The following TMEM108 variants were observed in gnomAD, a reference collection of about 807,000 sequenced individuals.
The protein encoded by TMEM108 is transmembrane protein 108.
In TMEM108, 12 loss-of-function variants were observed where a neutral mutation model predicts 35.1. The ratio of observed to expected loss-of-function variants is 0.34; its 90% CI spans 0.22 to 0.55. TMEM108 has a LOEUF of 0.55. TMEM108 is among the 20% of genes least tolerant of loss of function. TMEM108 has a pLI of 0.89. For missense variants in TMEM108, 680 were observed against 753.3 expected, an observed-to-expected ratio of 0.90 and a Z score of 1.14; for synonymous variants, 287 against 308.6, an observed-to-expected ratio of 0.93 and a Z score of 0.73.
chr3:133,309,904 T>G (rs2071101053), intron 3 of TMEM108, among the ~76,000 whole-genome samples: 1 of 151,746 alleles, frequency 6.6e-6, no homozygotes, highest in Admixed American at 6.6e-5. Flanking sequence ...GTTTCACCGT[T>G]TTAGCCGGGA....
intron 3 of TMEM108, among the ~76,000 whole-genome samples, chr3:133,307,967 C>T (rs4622900): frequency 0.51 from 77,675 of 151,834 alleles, 21,251 homozygotes; most frequent in East Asian, 0.86. Flanking sequence ...GCCATTTTCA[C>T]GATATTGATT....
intron 3 of TMEM108, among the ~76,000 whole-genome samples, chr3:133,314,767 A>G (rs111490717): frequency 0.018 from 2,692 of 152,352 alleles, 69 homozygotes; most frequent in African/African-American, 0.06. Flanking sequence ...AACAGACAGC[A>G]TGAGTTTAGA....
At chr3:133,229,236 T>G (rs1559875475) in intron 2 of TMEM108, 30 bp from the exon 3 acceptor site, 3 of 1,419,076 alleles carry the variant, frequency 2.1e-6, no homozygotes. Context: ...GTTCCTCAGA[T>G]GTAACAATTT....
chr3:133,062,561 A>G (rs1047409656), intron 2 of TMEM108, among the ~76,000 whole-genome samples: 15 of 152,260 alleles, frequency 9.9e-5, no homozygotes, highest in Non-Finnish European at 2.9e-5. Context: ...ATTCTAACCC[A>G]GGACACAAAC....
At chr3:133,092,757 G>T (rs1299049809) in intron 2 of TMEM108, among the ~76,000 whole-genome samples, 2 of 152,056 alleles carry the variant, frequency 1.3e-5, no homozygotes, top group South Asian at 4.1e-4. Context: ...CATGTCCATA[G>T]CTTCTAATTC....
chr3:133,167,852 C>T (rs1483552816), intron 2 of TMEM108, among the ~76,000 whole-genome samples: 9 of 152,162 alleles, frequency 5.9e-5, no homozygotes, highest in Non-Finnish European at 5.9e-5. Flanking sequence ...AGTGCAGCGG[C>T]GGGCTGGGCT....
chr3:133,065,478 T>C (rs1025721303), intron 2 of TMEM108, among the ~76,000 whole-genome samples: 1 of 151,574 alleles, frequency 6.6e-6, no homozygotes. Flanking sequence ...CTCTAGTTAG[T>C]ATAAAAGAAA....
chr3:133,234,224 G>A (rs1192118460), intron 3 of TMEM108, among the ~76,000 whole-genome samples: 1 of 152,016 alleles, frequency 6.6e-6, no homozygotes, highest in Non-Finnish European at 1.5e-5. Context: ...TGTATAAGGT[G>A]TAAGGAAGGG....
chr3:133,082,471 A>G (rs144201941), intron 2 of TMEM108, among the ~76,000 whole-genome samples: 111 of 152,250 alleles, frequency 7.3e-4, no homozygotes, highest in Non-Finnish European at 1.1e-3. Context: ...AATAATAACA[A>G]CCATGAGCAC....
At chr3:133,069,677 C>T (rs1943653306) in intron 2 of TMEM108, among the ~76,000 whole-genome samples, 1 of 152,156 alleles carries the variant, frequency 6.6e-6, no homozygotes, top group Non-Finnish European at 1.5e-5. Flanking sequence ...ATACTCCATT[C>T]TGGCTTCTGG....
At chr3:133,081,042 G>A (rs996380339) in intron 2 of TMEM108, among the ~76,000 whole-genome samples, 5 of 152,054 alleles carry the variant, frequency 3.3e-5, no homozygotes, top group East Asian at 1.9e-4. Context: ...ACAACTTCTC[G>A]GATATAAAAT....
chr3:133,327,916 A>G (rs1217599094), intron 3 of TMEM108, among the ~76,000 whole-genome samples: 1 of 152,154 alleles, frequency 6.6e-6, no homozygotes, highest in Non-Finnish European at 1.5e-5. Flanking sequence ...TGAAATACGT[A>G]TCTCAGTATT....
chr3:133,292,442 T>A (rs564574112), intron 3 of TMEM108, among the ~76,000 whole-genome samples: 7 of 152,300 alleles, frequency 4.6e-5, no homozygotes, highest in Non-Finnish European at 1.0e-4. Context: ...GATCTCAGGC[T>A]CTCCTTTGAT....
rs545525482 is a variant in TMEM108, at chr3:133,332,153, AC to A, written c.41-47595del. ...TCTCTAAGTTTAGCTTAAGGACCTC[AC>A]CCCATTTAGTTAGCCAAGAGGACAA... On this transcript the variant is annotated intron_variant, in intron 3 of 5. Coordinates refer to ENST00000321871, the MANE Select transcript of TMEM108 (RefSeq NM_023943.4). Among the ~76,000 whole-genome samples, 74 of 152,068 alleles carry A rather than the reference AC, an allele frequency of 4.9e-4. 1 individual carries two copies. The highest frequency in any genetic ancestry group is 3.4e-3 in the Middle Eastern group (1 of 294).
intron 2 of TMEM108, among the ~76,000 whole-genome samples, chr3:133,069,813 C>T (rs542536291): frequency 5.9e-5 from 9 of 152,280 alleles, no homozygotes; most frequent in Admixed American, 5.2e-4. Flanking sequence ...ATTGACTCAC[C>T]TCACTCTTAC....
intron 2 of TMEM108, among the ~76,000 whole-genome samples, chr3:133,083,622 A>C (rs1322671246): frequency 1.3e-5 from 2 of 152,170 alleles, no homozygotes; most frequent in African/African-American, 4.8e-5. Flanking sequence ...TTCATTGGGC[A>C]ATTTATATTT....
intron 5 of TMEM108, among the ~76,000 whole-genome samples, chr3:133,390,710 A>C (rs2073222655): frequency 6.7e-6 from 1 of 149,522 alleles, no homozygotes; most frequent in Non-Finnish European, 1.5e-5. Context: ...ACAAACCCCA[A>C]CATCACCCAA....
At chr3:133,108,000 G>C (rs1035202957) in intron 2 of TMEM108, among the ~76,000 whole-genome samples, 1 of 152,132 alleles carries the variant, frequency 6.6e-6, no homozygotes, top group Non-Finnish European at 1.5e-5. Flanking sequence ...GGGAGGCCAA[G>C]ATGGGTGGAT....
At chr3:133,093,385 C>G (rs1334833957) in intron 2 of TMEM108, among the ~76,000 whole-genome samples, 1 of 152,184 alleles carries the variant, frequency 6.6e-6, no homozygotes, top group Non-Finnish European at 1.5e-5. Flanking sequence ...GGACACCACA[C>G]TCTTGGTAAG....
Sources: gnomAD v4.1 joint callset for allele counts (sites outside exome capture counted in the v4.1 genomes callset) on GRCh38, gnomAD v4.1.1 for gene constraint, MANE v1.5 for transcripts, NCBI Gene and HGNC (gene_info 2026-07-23, HGNC 2026-07-21) for gene names.